MAP3K7CL: variants seen among roughly 807,000 people sequenced by gnomAD.
MAP3K7CL encodes MAP3K7 C-terminal-like protein.
In MAP3K7CL, 16 loss-of-function variants were observed where a neutral mutation model predicts 18.6. The observed-to-expected ratio is 0.86, with a 90% CI of 0.58 to 1.31. The LOEUF is 1.31. MAP3K7CL is among the 50% of genes most tolerant of loss of function. MAP3K7CL has a pLI of 0.00. For synonymous variants in MAP3K7CL, 65 were observed against 66.8 expected (o/e 0.97, Z 0.13); for missense variants, 163 against 174.4 (o/e 0.93, Z 0.37).
At chr21:29,159,504 A>T (rs2087489533) in intron 3 of MAP3K7CL, among the ~76,000 whole-genome samples, 1 of 152,222 alleles carries the variant, frequency 6.6e-6, no homozygotes, top group Admixed American at 6.5e-5. Context: ...GCAAGATGAG[A>T]TTATACCTCC....
chr21:29,120,670 T>TTTTC (rs140249328), intron 4 of MAP3K7CL, among the ~76,000 whole-genome samples: 53 of 150,636 alleles, frequency 3.5e-4, no homozygotes, highest in African/African-American at 7.8e-4. Context: ...CTTTCTTTCT[T>TTTTC]TTTCTTTCTT....
At chr21:29,078,147 CTT>C (rs2085779521) in intron 1 of MAP3K7CL, among the ~76,000 whole-genome samples, 1 of 151,904 alleles carries the variant, frequency 6.6e-6, no homozygotes, top group South Asian at 2.1e-4. Context: ...AACCTCCTGA[CTT>C]TTCTTTTTCT....
intron 2 of MAP3K7CL, among the ~76,000 whole-genome samples, chr21:29,143,131 A>G (rs2087044908): frequency 6.6e-6 from 1 of 152,236 alleles, no homozygotes; most frequent in Non-Finnish European, 1.5e-5. Flanking sequence ...TTTGCAGGAC[A>G]TGGTGCAAAA....
chr21:29,095,693 G>A (rs567825584), intron 4 of MAP3K7CL, among the ~76,000 whole-genome samples: 26 of 152,312 alleles, frequency 1.7e-4, no homozygotes, highest in African/African-American at 6.0e-4. Flanking sequence ...GTTGAGAACT[G>A]TACATGGTAA....
chr21:29,084,939 T>C (rs372469466), upstream of MAP3K7CL: 2 of 152,276 alleles, frequency 1.3e-5, no homozygotes, highest in African/African-American at 2.4e-5. Context: ...GAAGAGAATA[T>C]GTTTGGGAAA....
At chr21:29,149,143 A>G (rs1329025964) in intron 2 of MAP3K7CL, 46 bp from the exon 3 acceptor site, 1 of 1,554,014 alleles carries the variant, frequency 6.4e-7, no homozygotes, top group Non-Finnish European at 8.9e-7. Flanking sequence ...GGACTCCTAC[A>G]AGAAAGAGCT....
chr21:29,161,976 G>A (rs1056022760), intron 4 of MAP3K7CL, among the ~76,000 whole-genome samples: 2 of 152,092 alleles, frequency 1.3e-5, no homozygotes, highest in Admixed American at 1.3e-4. Context: ...TTATTAGGAG[G>A]TCACAAATAC....
At chr21:29,107,240 A>G (rs969671206) in intron 4 of MAP3K7CL, among the ~76,000 whole-genome samples, 1 of 152,162 alleles carries the variant, frequency 6.6e-6, no homozygotes, top group Non-Finnish European at 1.5e-5. Flanking sequence ...GCCTGAACAC[A>G]GGAGGCGGAG....
chr21:29,163,337 G>A (rs912118243), intron 4 of MAP3K7CL, among the ~76,000 whole-genome samples: 3 of 151,878 alleles, frequency 2.0e-5, no homozygotes, highest in African/African-American at 7.2e-5. Context: ...GTAGGGCCAA[G>A]GCCAAATTCT....
upstream of MAP3K7CL, chr21:29,127,639 C>G (rs1434156003): frequency 6.6e-6 from 1 of 151,612 alleles, no homozygotes; most frequent in Non-Finnish European, 1.5e-5. Flanking sequence ...TTTTTTGTTC[C>G]TTTCTCATTG....
At chr21:29,103,197 A>G (rs570119265) in intron 4 of MAP3K7CL, among the ~76,000 whole-genome samples, 10 of 152,348 alleles carry the variant, frequency 6.6e-5, no homozygotes, top group East Asian at 1.9e-4. Context: ...TATAGTGTCT[A>G]TGGCTACTTT....
chr21:29,120,431 A>C (rs76063233), intron 4 of MAP3K7CL, among the ~76,000 whole-genome samples: 1 of 152,294 alleles, frequency 6.6e-6, no homozygotes, highest in East Asian at 1.9e-4. Context: ...GAAACTTTGT[A>C]AGTCTCAGTT....
chr21:29,098,443 G>C (rs2086161980), intron 4 of MAP3K7CL, among the ~76,000 whole-genome samples: 1 of 151,972 alleles, frequency 6.6e-6, no homozygotes, highest in African/African-American at 2.4e-5. Flanking sequence ...TCTCCATGGA[G>C]CAGCTGGAAT....
At chr21:29,164,445 G>A (rs1013969793) in intron 4 of MAP3K7CL, among the ~76,000 whole-genome samples, 2 of 152,174 alleles carry the variant, frequency 1.3e-5, no homozygotes, top group Non-Finnish European at 2.9e-5. Flanking sequence ...GCTAACTAAG[G>A]TATTTTAAAA....
chr21:29,148,086 CTATT>C (rs1231687553), intron 2 of MAP3K7CL, among the ~76,000 whole-genome samples: 2 of 151,432 alleles, frequency 1.3e-5, no homozygotes, highest in Non-Finnish European at 2.9e-5. Flanking sequence ...TGCTATATCT[CTATT>C]ATATATGTAT....
chr21:29,106,134 T>G (rs1049692188), intron 4 of MAP3K7CL, among the ~76,000 whole-genome samples: 4 of 152,138 alleles, frequency 2.6e-5, no homozygotes, highest in Non-Finnish European at 4.4e-5. Flanking sequence ...TCTTCTTCTG[T>G]GTGGTCCAGG....
upstream of MAP3K7CL, chr21:29,085,700 T>C (rs926475020): frequency 3.2e-6 from 2 of 615,714 alleles, no homozygotes; most frequent in Admixed American, 5.5e-5. Context: ...TGTATGTGAA[T>C]GAAATGTTAC....
intron 4 of MAP3K7CL, among the ~76,000 whole-genome samples, chr21:29,112,830 TC>T (rs1171772046): frequency 6.6e-6 from 1 of 151,958 alleles, no homozygotes; most frequent in Non-Finnish European, 1.5e-5. Flanking sequence ...TTTTTTTTTT[TC>T]TTTTTTTTTG....
chr21:29,173,406 ATTAAT>A (rs1434620738), intron 4 of MAP3K7CL, among the ~76,000 whole-genome samples: 4 of 152,250 alleles, frequency 2.6e-5, no homozygotes, highest in African/African-American at 9.6e-5. Context: ...AAAAATACAC[ATTAAT>A]TTAATTCAAA....
Sources: gnomAD v4.1 joint callset for allele counts (sites outside exome capture counted in the v4.1 genomes callset) on GRCh38, gnomAD v4.1.1 for gene constraint, MANE v1.5 for transcripts, NCBI Gene and HGNC (gene_info 2026-07-23, HGNC 2026-07-21) for gene names.